Variants in GRM8 observed in about 807,000 individuals in gnomAD.
The protein encoded by GRM8 is metabotropic glutamate receptor 8.
Under a neutral mutation model 87.2 loss-of-function variants are expected in GRM8, and 47 were observed. The observed-to-expected ratio is 0.54, with a 90% CI of 0.43 to 0.69. The LOEUF (loss-of-function observed/expected upper bound fraction) is 0.69. Among genes scored for constraint, GRM8 ranks in the 30% least tolerant of loss-of-function variants. GRM8 has a pLI of 0.00. For synonymous variants in GRM8, 396 were observed against 404.5 expected (o/e 0.98, Z 0.25); for missense variants, 1,019 against 1,139.2 (o/e 0.89, Z 1.52).
At chr7:127,027,610 G>C (rs1472124732) in intron 3 of GRM8, among the ~76,000 whole-genome samples, 1 of 152,138 alleles carries the variant, frequency 6.6e-6, no homozygotes, top group Non-Finnish European at 1.5e-5. Context: ...GTGAATGGGA[G>C]TTCACTCACG....
At chr7:126,775,277 T>C (rs1186657237) in intron 6 of GRM8, among the ~76,000 whole-genome samples, 2 of 152,088 alleles carry the variant, frequency 1.3e-5, no homozygotes, top group Non-Finnish European at 2.9e-5. Context: ...TAGGCCCAGA[T>C]TTAGAAGTCA....
rs1483110566 is a variant in GRM8 at position 126,686,260 on chromosome 7, C to T, written c.1358-76762G>A. The stretch of plus-strand genomic sequence containing the variant: ...GTAAAGCTCCTCTTTGTCTTGCTCA[C>T]GCTCCACTTGTCTGCATATTTCATT... On this transcript the variant is annotated intron_variant, in intron 7 of 10. Transcript: ENST00000339582. Among the ~76,000 whole-genome samples the T allele has an allele frequency of 6.6e-5, 10 of 152,112 alleles. No individual in the cohort carries two copies. In the East Asian group the frequency reaches 9.7e-4, roughly 15 times the overall value.
intron 9 of GRM8, among the ~76,000 whole-genome samples, chr7:126,446,583 T>A (rs1257028969): frequency 2.6e-5 from 4 of 152,012 alleles, no homozygotes; most frequent in African/African-American, 7.2e-5. Flanking sequence ...TTGAACCCAA[T>A]TTATTAAAAT....
chr7:127,115,626 C>A (rs1397968490), intron 2 of GRM8, among the ~76,000 whole-genome samples: 2 of 151,926 alleles, frequency 1.3e-5, no homozygotes, highest in African/African-American at 2.4e-5. Flanking sequence ...TATAAGCAAC[C>A]ATAATTTTAC....
At chr7:126,760,947 A>G (rs1482113250) in intron 7 of GRM8, among the ~76,000 whole-genome samples, 1 of 152,170 alleles carries the variant, frequency 6.6e-6, no homozygotes, top group Non-Finnish European at 1.5e-5. Flanking sequence ...CTGCAATCCT[A>G]GCACTTTGGT....
chr7:126,446,703 CCA>C (rs1486251966), intron 9 of GRM8, among the ~76,000 whole-genome samples: 1 of 151,906 alleles, frequency 6.6e-6, no homozygotes, highest in African/African-American at 2.4e-5. Context: ...ACACTTAATG[CCA>C]CACAGAACTT....
At chr7:127,246,566 T>C (rs1298128840) in intron 1 of GRM8, among the ~76,000 whole-genome samples, 1 of 152,142 alleles carries the variant, frequency 6.6e-6, no homozygotes, top group Non-Finnish European at 1.5e-5. Context: ...TGAACCCTCA[T>C]AGCCCTTCCT....
intron 6 of GRM8, among the ~76,000 whole-genome samples, chr7:126,809,324 T>A (rs1216545112): frequency 6.6e-6 from 1 of 152,174 alleles, no homozygotes; most frequent in Non-Finnish European, 1.5e-5. Context: ...GAGGTGAACA[T>A]CTTTGAGGGG....
chr7:126,851,733 T>C (rs189187243), intron 6 of GRM8, among the ~76,000 whole-genome samples: 3 of 152,234 alleles, frequency 2.0e-5, no homozygotes, highest in Admixed American at 2.0e-4. Context: ...TCCAATGTCA[T>C]CTCAGGGTGT....
Position 127,189,419 on chromosome 7 carries a change from A to T in GRM8, c.510+53276T>A, listed in dbSNP as rs1173679318. On this transcript the variant is annotated intron_variant, in intron 2 of 10. Transcript: ENST00000339582. ...GAATTCTCTCATTGCCCTGTACAGC[A>T]GGTCCAGTTTCTTTTTCGTTCTCCT... Among the ~76,000 whole-genome samples, 3 of 152,166 alleles carry T rather than the reference A, an allele frequency of 2.0e-5. No individual in the cohort carries two copies. In the South Asian group the frequency reaches 6.2e-4, roughly 32 times the overall value.
chr7:126,713,917 T>G (rs1811417762), intron 7 of GRM8, among the ~76,000 whole-genome samples: 1 of 151,710 alleles, frequency 6.6e-6, no homozygotes, highest in Non-Finnish European at 1.5e-5. Context: ...ATTTTTAAAT[T>G]AAATAAATAA....
At chr7:126,957,200 T>A (rs1242825519) in intron 3 of GRM8, among the ~76,000 whole-genome samples, 1 of 152,008 alleles carries the variant, frequency 6.6e-6, no homozygotes, top group Non-Finnish European at 1.5e-5. Flanking sequence ...AAAAAAAAAA[T>A]TAATAAGCAC....
chr7:127,155,569 C>A (rs1304876464), intron 2 of GRM8, among the ~76,000 whole-genome samples: 1 of 152,078 alleles, frequency 6.6e-6, no homozygotes, highest in Non-Finnish European at 1.5e-5. Context: ...ACCAAGTGGA[C>A]TGAGGTGGAT....
intron 6 of GRM8, among the ~76,000 whole-genome samples, chr7:126,848,862 TG>T (rs1796948752): frequency 6.6e-6 from 1 of 152,122 alleles, no homozygotes; most frequent in South Asian, 2.1e-4. Context: ...TACCCAAGAC[TG>T]GGCAATTTAC....
chr7:127,206,560 T>C (rs1795923719), intron 2 of GRM8, among the ~76,000 whole-genome samples: 2 of 152,080 alleles, frequency 1.3e-5, no homozygotes, highest in Admixed American at 1.3e-4. Flanking sequence ...CACAGCTACA[T>C]CTCCTGTTCT....
intron 3 of GRM8, among the ~76,000 whole-genome samples, chr7:127,049,774 T>A (rs1819286419): frequency 6.6e-6 from 1 of 151,954 alleles, no homozygotes; most frequent in African/African-American, 2.4e-5. Flanking sequence ...CCCATGGAAG[T>A]GATGCTTAAG....
intron 6 of GRM8, among the ~76,000 whole-genome samples, chr7:126,901,947 T>A (rs1176358212): frequency 6.6e-6 from 1 of 151,966 alleles, no homozygotes; most frequent in Non-Finnish European, 1.5e-5. Context: ...AAAAAAAAAA[T>A]TATGCGAGTT....
chr7:126,670,928 A>T (rs1247026447), intron 7 of GRM8, among the ~76,000 whole-genome samples: 3 of 152,172 alleles, frequency 2.0e-5, no homozygotes, highest in Non-Finnish European at 4.4e-5. Flanking sequence ...GTTCCTCTAG[A>T]ATTTGGAAAC....
chr7:127,081,911 G>C (rs988330317), intron 3 of GRM8, among the ~76,000 whole-genome samples: 1 of 152,200 alleles, frequency 6.6e-6, no homozygotes, highest in African/African-American at 2.4e-5. Context: ...AGTGCTGGAG[G>C]ATGCAAAGGG....
Sources: gnomAD v4.1 joint callset for allele counts (sites outside exome capture counted in the v4.1 genomes callset) on GRCh38, gnomAD v4.1.1 for gene constraint, MANE v1.5 for transcripts, NCBI Gene and HGNC (gene_info 2026-07-23, HGNC 2026-07-21) for gene names.